Variants in MYRIP observed in about 807,000 individuals in gnomAD.
MYRIP encodes the protein myosin VIIA and Rab interacting protein.
In MYRIP, 49 loss-of-function variants were observed where a neutral mutation model predicts 98.0. The observed-to-expected ratio is 0.50, with a 90% confidence interval of 0.40 to 0.63. MYRIP has a LOEUF of 0.63. Ranked by LOEUF, MYRIP falls within the 30% of genes least tolerant of loss-of-function variation. The pLI is 0.00. For missense variants in MYRIP, 1,004 were observed against 1,058.2 expected (o/e 0.95, Z 0.71); for synonymous variants, 404 against 409.5 (o/e 0.99, Z 0.16).
chr3:39,987,171 C>T lies in MYRIP; in HGVS notation c.111-56879C>T, dbSNP rs146194098. On this transcript the variant is annotated intron_variant, in intron 2 of 16. Coordinates refer to ENST00000302541, the MANE Select transcript of MYRIP (RefSeq NM_015460.4). The stretch of plus-strand genomic sequence containing the variant: ...CTCCCTCCCTTTGCCCTCTACCCCA[C>T]GACTGGCCCCAGTATGTGTCATTTC... 5.8e-3 allele frequency among the ~76,000 whole-genome samples: 886 copies of T among 152,158 alleles called. 8 individuals are homozygous for T. Among genetic ancestry groups the T allele is most frequent in the African/African-American group, 0.02 (818 of 41,506 alleles).
intron 2 of MYRIP, among the ~76,000 whole-genome samples, chr3:40,009,797 G>A (rs1195008158): frequency 1.3e-5 from 2 of 152,206 alleles, no homozygotes; most frequent in Non-Finnish European, 2.9e-5. Context: ...TGACTGTGAT[G>A]TATAGGTTCT....
intron 1 of MYRIP, among the ~76,000 whole-genome samples, chr3:39,872,445 T>C (rs898075477): frequency 6.6e-6 from 1 of 151,804 alleles, no homozygotes; most frequent in African/African-American, 2.4e-5. Context: ...CATTAACTCG[T>C]CATTTAGCAT....
chr3:40,226,854 C>T (rs1952506373), intron 11 of MYRIP, among the ~76,000 whole-genome samples: 1 of 152,166 alleles, frequency 6.6e-6, no homozygotes, highest in African/African-American at 2.4e-5. Flanking sequence ...AGTACAAACC[C>T]CAGACTCCTG....
chr3:40,186,703 T>C (rs1951044998), intron 9 of MYRIP, among the ~76,000 whole-genome samples: 1 of 152,124 alleles, frequency 6.6e-6, no homozygotes, highest in Non-Finnish European at 1.5e-5. Context: ...CAATTGGAAG[T>C]CCAGCTGGCA....
intron 1 of MYRIP, among the ~76,000 whole-genome samples, chr3:39,829,859 A>G (rs1464019376): frequency 6.6e-6 from 1 of 152,152 alleles, no homozygotes; most frequent in Admixed American, 6.5e-5. Flanking sequence ...AGGTATGCCA[A>G]GTTGTGAATG....
intron 1 of MYRIP, among the ~76,000 whole-genome samples, chr3:39,866,060 A>C (rs1310623358): frequency 6.6e-6 from 1 of 152,178 alleles, no homozygotes; most frequent in East Asian, 1.9e-4. Context: ...ATCCTAAGCA[A>C]ACTAACACAT....
At chr3:39,809,532 C>T (rs1478150250), upstream of MYRIP, 1 of 148,948 alleles carries the variant, frequency 6.7e-6, no homozygotes, top group Non-Finnish European at 1.5e-5. Context: ...CCCGCCCCGC[C>T]TCCGCAGGCT....
intron 3 of MYRIP, among the ~76,000 whole-genome samples, chr3:40,064,929 C>A (rs556043154): frequency 3.9e-5 from 6 of 152,222 alleles, no homozygotes; most frequent in African/African-American, 1.4e-4. Flanking sequence ...AATGATATTT[C>A]GAGAGTAATA....
intron 3 of MYRIP, among the ~76,000 whole-genome samples, chr3:40,095,922 TTTTCTCACACACACACATCCCCA>T (rs911145927): frequency 2.0e-5 from 3 of 151,518 alleles, no homozygotes; most frequent in Non-Finnish European, 2.9e-5. Flanking sequence ...CCCCATCCTT[TTTTCTCACACACACACATCCCCA>T]TTTCTCTCAC....
chr3:40,116,477 A>AT (rs1559407231), intron 3 of MYRIP, among the ~76,000 whole-genome samples: 2 of 151,820 alleles, frequency 1.3e-5, no homozygotes, highest in African/African-American at 4.8e-5. Flanking sequence ...TCTCTCTTTC[A>AT]TTTTCCCTTG....
At chr3:39,852,401 A>G (rs1208146364) in intron 1 of MYRIP, among the ~76,000 whole-genome samples, 1 of 152,238 alleles carries the variant, frequency 6.6e-6, no homozygotes, top group African/African-American at 2.4e-5. Context: ...TATTTTCAAT[A>G]TAAAATAAAT....
intron 13 of MYRIP, among the ~76,000 whole-genome samples, chr3:40,249,456 G>T (rs770094195): frequency 1.2e-4 from 18 of 152,180 alleles, no homozygotes; most frequent in South Asian, 6.2e-4. Context: ...TTCCTTATCT[G>T]TGAAACCAAG....
chr3:40,183,622 A>G (rs1056096115), intron 9 of MYRIP, among the ~76,000 whole-genome samples: 11 of 152,064 alleles, frequency 7.2e-5, no homozygotes, highest in African/African-American at 2.7e-4. Context: ...TCAGACTAAA[A>G]CTTCCCCCAA....
At chr3:39,871,149 C>A (rs1286952719) in intron 1 of MYRIP, among the ~76,000 whole-genome samples, 1 of 152,154 alleles carries the variant, frequency 6.6e-6, no homozygotes, top group Non-Finnish European at 1.5e-5. Context: ...ATTTGAGAAG[C>A]AGATACCTTT....
intron 2 of MYRIP, among the ~76,000 whole-genome samples, chr3:39,999,666 C>A (rs1946467015): frequency 6.6e-6 from 1 of 152,088 alleles, no homozygotes; most frequent in African/African-American, 2.4e-5. Flanking sequence ...CCCAGCAATC[C>A]CATTACTGGG....
chr3:40,176,289 T>A (rs966434379), intron 8 of MYRIP, among the ~76,000 whole-genome samples: 2 of 152,210 alleles, frequency 1.3e-5, no homozygotes, highest in Non-Finnish European at 2.9e-5. Context: ...AATCTAGTTC[T>A]TTGGTCACAC....
intron 2 of MYRIP, among the ~76,000 whole-genome samples, chr3:39,963,328 A>G (rs550264743): frequency 1.2e-4 from 18 of 152,296 alleles, no homozygotes; most frequent in African/African-American, 3.8e-4. Flanking sequence ...CAACTCATCA[A>G]GACTGATATT....
intron 1 of MYRIP, among the ~76,000 whole-genome samples, chr3:39,869,078 T>C (rs927800502): frequency 1.3e-5 from 2 of 152,224 alleles, no homozygotes; most frequent in Non-Finnish European, 2.9e-5. Flanking sequence ...CTTCAAGATT[T>C]CTGGATGTGC....
At chr3:40,170,307 T>C (rs562129134) in intron 8 of MYRIP, among the ~76,000 whole-genome samples, 3 of 152,262 alleles carry the variant, frequency 2.0e-5, no homozygotes, top group East Asian at 3.9e-4. Flanking sequence ...ATTATAGAGA[T>C]AGATTTTACA....
Sources: gnomAD v4.1 joint callset for allele counts (sites outside exome capture counted in the v4.1 genomes callset) on GRCh38, gnomAD v4.1.1 for gene constraint, MANE v1.5 for transcripts, NCBI Gene and HGNC (gene_info 2026-07-23, HGNC 2026-07-21) for gene names.